Variants in TRIM6 observed in about 807,000 individuals in gnomAD.
TRIM6 encodes the protein tripartite motif-containing protein 6.
In TRIM6, 43 loss-of-function variants were observed where a neutral mutation model predicts 51.2. That is an observed-to-expected ratio of 0.84 (90% CI 0.66 to 1.08). TRIM6 has a LOEUF of 1.08. Among genes scored for constraint, TRIM6 ranks in the 50% least tolerant of loss-of-function variants. TRIM6 has a pLI of 0.00. For missense variants in TRIM6, 669 were observed against 619.0 expected (o/e 1.08, Z -0.86); for synonymous variants, 215 against 232.4 (o/e 0.93, Z 0.68).
intron 4 of TRIM6, among the ~76,000 whole-genome samples, chr11:5,607,045 C>T (rs915222540): frequency 1.1e-4 from 16 of 151,868 alleles, no homozygotes; most frequent in East Asian, 1.9e-4. Flanking sequence ...CTACTAAAAA[C>T]ACAAAAAAAT....
intron 5 of TRIM6, 110 bp downstream of exon 5, chr11:5,608,504 T>C: frequency 6.7e-7 from 1 of 1,489,642 alleles, no homozygotes; most frequent in Non-Finnish European, 9.1e-7. Context: ...TTCAAGAGAG[T>C]AGTCTTGAAT....
At chr11:5,609,940 C>A (rs1006911725) in intron 5 of TRIM6, among the ~76,000 whole-genome samples, 4 of 152,222 alleles carry the variant, frequency 2.6e-5, no homozygotes, top group Middle Eastern at 3.4e-3. Flanking sequence ...AAAGTTAAAT[C>A]TTACACAAGT....
chr11:5,601,243 G>A (rs1847825550), intron 1 of TRIM6, among the ~76,000 whole-genome samples: 1 of 152,180 alleles, frequency 6.6e-6, no homozygotes, highest in South Asian at 2.1e-4. Context: ...TCAAAGTTAT[G>A]AGTTTGAGGA....
intron 2 of TRIM6, 125 bp downstream of exon 2, chr11:5,603,860 C>A: frequency 6.9e-7 from 1 of 1,443,258 alleles, no homozygotes; most frequent in Non-Finnish European, 9.2e-7. Context: ...CTGGAAACTG[C>A]CTCCCTGATT....
intron 3 of TRIM6, 113 bp downstream of exon 3, chr11:5,604,742 G>GCCT (rs1480326504): frequency 8.8e-7 from 1 of 1,136,286 alleles, no homozygotes; most frequent in Non-Finnish European, 1.2e-6. Context: ...GACTAGAAGA[G>GCCT]CTTCCCTTTG....
Position 5,605,431 on chromosome 11 carries a change from T to C in TRIM6, c.698T>C (p.Leu233Pro). ...DRVEQRELKKLEQEEKKGLRI... is the reference protein window; with the variant it reads ...DRVEQRELKKPEQEEKKGLRI... ...GTGGAGCAACGGGAGCTGAAAAAGCTGGAACAGGAAGAGAAGAAGGGGCTA... is the reference window on the plus strand; with the variant it reads ...GTGGAGCAACGGGAGCTGAAAAAGCCGGAACAGGAAGAGAAGAAGGGGCTA... Residue 233 changes from leucine (L) to proline (P), a missense_variant, in exon 4 of 8, where the codon CTG becomes CCG. By Grantham distance (98) the Leu-to-Pro change is moderately conservative. Coordinates refer to ENST00000380097, the MANE Select transcript of TRIM6 (RefSeq NM_001003818.3). 6.2e-7 allele frequency: 1 copy of C among 1,614,110 alleles called. No individual in the cohort carries two copies. Among genetic ancestry groups the C allele is most frequent in the Non-Finnish European group, 8.5e-7 (1 of 1,180,032 alleles).
chr11:5,604,616 A>C lies in TRIM6; in HGVS notation c.590A>C (p.Lys197Thr), dbSNP rs752233113. 3 of 1,612,364 alleles carry C rather than the reference A, an allele frequency of 1.9e-6. No homozygotes were observed. Among genetic ancestry groups the C allele is most frequent in the Admixed American group, 1.7e-5 (1 of 59,726 alleles). ...EKLTAFIREK[K>T]TSWKNQMEPE... ...CTAACAGCTTTTATCAGAGAGAAGA[A>C]AACATCCTGGAAGGCAAGGGAGACT... is the stretch of plus-strand genomic sequence containing the variant. Residue 197 changes from lysine to threonine, a missense_variant, in exon 3 of 8, where the codon AAA becomes ACA. Transcript: ENST00000380097.
At chr11:5,596,519 CT>C (rs1460863563), upstream of TRIM6, 8 of 63,334 alleles carry the variant, frequency 1.3e-4, no homozygotes, top group Admixed American at 1.6e-4. Context: ...CCGTTCTCCC[CT>C]TCCCCCCTTC....
Position 5,596,666 on chromosome 11 carries a change from A to G in TRIM6, c.-232A>G, listed in dbSNP as rs10838406. The G allele has an allele frequency of 0.083, 46,282 of 559,980 alleles. 2,497 individuals carry two copies. The highest frequency in any genetic ancestry group is 0.17 in the African/African-American group (8,602 of 50,160). 34.7% of individuals were successfully genotyped at this position (559,980 alleles called of 1,614,324 possible). On this transcript the variant is annotated 5_prime_UTR_variant, in exon 1 of 8. Coordinates refer to ENST00000380097, the MANE Select transcript of TRIM6 (RefSeq NM_001003818.3). ...GGAGTTGGGAGATGAGCCTTCCGCA[A>G]ACTCCTGACCTGTGGGTCCGTCCGT...
chr11:5,603,074 G>A (rs1430385864), intron 1 of TRIM6, among the ~76,000 whole-genome samples, 172 bp from the exon 2 acceptor site: 2 of 152,160 alleles, frequency 1.3e-5, no homozygotes, highest in Non-Finnish European at 2.9e-5. Context: ...TTTAATATGG[G>A]GAGAAATTGG....
intron 1 of TRIM6, among the ~76,000 whole-genome samples, chr11:5,599,712 A>ATT (rs5789415): frequency 6.6e-6 from 1 of 152,042 alleles, no homozygotes; most frequent in Non-Finnish European, 1.5e-5. Context: ...CAACACAATT[A>ATT]TTTTTTAACA....
intron 6 of TRIM6, 114 bp downstream of exon 6, chr11:5,610,359 G>T (rs1286450842): frequency 6.4e-7 from 1 of 1,565,102 alleles, no homozygotes; most frequent in Non-Finnish European, 8.7e-7. Context: ...GGAGGTCCCA[G>T]AGGGAGGGAC....
chr11:5,602,093 C>T (rs1742508389), intron 1 of TRIM6, among the ~76,000 whole-genome samples: 1 of 152,144 alleles, frequency 6.6e-6, no homozygotes, highest in African/African-American at 2.4e-5. Flanking sequence ...TCTCATGGAG[C>T]TTACATTTCA....
chr11:5,605,699 TC>T, intron 4 of TRIM6, 132 bp downstream of exon 4: 1 of 1,116,132 alleles, frequency 9.0e-7, no homozygotes, highest in Non-Finnish European at 1.2e-6. Flanking sequence ...ATAGTGCCTA[TC>T]CCCTATTAAA....
At position 5,596,812 on chromosome 11, in the gene TRIM6, A is replaced by C. The variant is rs1220855535; in HGVS notation, c.-86A>C. Reference sequence around the variant, plus strand: ...TGAGCGCGCTCTGTTCCTTAAGATTAGTTTAAGGTGCCTTGGATTGCTCTG... The same window carrying C: ...TGAGCGCGCTCTGTTCCTTAAGATTCGTTTAAGGTGCCTTGGATTGCTCTG... On this transcript the variant is annotated 5_prime_UTR_variant, in exon 1 of 8. Coordinates refer to ENST00000380097, the MANE Select transcript of TRIM6 (RefSeq NM_001003818.3). 1.3e-5 allele frequency: 21 copies of C among 1,606,848 alleles called. No individual in the cohort carries two copies. The highest frequency in any genetic ancestry group is 1.6e-5 in the Non-Finnish European group (19 of 1,174,532).
At chr11:5,605,648 A>G in intron 4 of TRIM6, 81 bp downstream of exon 4, 2 of 1,470,384 alleles carry the variant, frequency 1.4e-6, no homozygotes, top group Non-Finnish European at 9.0e-7. Context: ...ACATCAGACT[A>G]CCATCGTTGC....
chr11:5,608,501 G>C, intron 5 of TRIM6, 107 bp downstream of exon 5: 1 of 1,522,030 alleles, frequency 6.6e-7, no homozygotes, highest in Admixed American at 1.9e-5. Context: ...AGATTCAAGA[G>C]AGTAGTCTTG....
Position 5,611,337 on chromosome 11 carries a change from T to A in TRIM6, c.1546T>A (p.Ser516Thr). 1 of 1,610,986 alleles carries A rather than the reference T, an allele frequency of 6.2e-7. No homozygotes were observed. Among genetic ancestry groups the A allele is most frequent in the Non-Finnish European group, 8.5e-7 (1 of 1,177,956 alleles). The change falls in exon 8 of 8, where the codon TCT (serine) becomes ACT (threonine). Residue 516 changes from serine (S) to threonine (T), a missense_variant. Ser to Thr is a moderately conservative substitution (Grantham distance 58). Transcript: ENST00000380097. ...VIPMTLRRPS[S>T] ...TCCTATGACCCTGCGTCGTCCAAGC[T>A]CTTGAATATTCTTCTGTTCCCACCC... is the stretch of plus-strand genomic sequence containing the variant.
rs1359597674 is a variant in TRIM6, at chr11:5,608,400, T to C, written c.857+6T>C. ...GTGAGTGATGTCACAGAAAGGTATG[T>C]GTAAGGAGAACATGAGGTAGTTCCC... On this transcript the variant is annotated splice_donor_region_variant and intron_variant, in intron 5 of 7. Coordinates refer to ENST00000380097, the MANE Select transcript of TRIM6 (RefSeq NM_001003818.3). 1 of 1,613,702 alleles carries C rather than the reference T, an allele frequency of 6.2e-7. No individual in the cohort carries two copies. The highest frequency in any genetic ancestry group is 1.7e-5 in the Admixed American group (1 of 60,006).
Sources: allele counts gnomAD v4.1 joint callset (sites outside exome capture counted in the v4.1 genomes callset), GRCh38; gene constraint gnomAD v4.1.1; transcripts MANE v1.5; gene names NCBI Gene and HGNC (gene_info 2026-07-23, HGNC 2026-07-21).